ZFHX4: variants seen among roughly 807,000 people sequenced by gnomAD.
ZFHX4 encodes the protein zinc finger homeobox 4.
In ZFHX4, 56 loss-of-function variants were observed where a neutral mutation model predicts 267.6. The ratio of observed to expected loss-of-function variants is 0.21; its 90% CI spans 0.17 to 0.26. ZFHX4 has a LOEUF of 0.26. Ranked by LOEUF, ZFHX4 falls within the 10% of genes least tolerant of loss-of-function variation. The probability of loss-of-function intolerance (pLI) is 1.00; values close to 1 mark genes in which losing one functional copy is unlikely to be tolerated. For synonymous variants in ZFHX4, 1,778 were observed against 1,665.6 expected (o/e 1.07, Z -1.64); for missense variants, 4,332 against 4,420.0 (o/e 0.98, Z 0.56).
At chr8:76,774,863 T>G (rs1585930962) in intron 3 of ZFHX4, among the ~76,000 whole-genome samples, 1 of 152,122 alleles carries the variant, frequency 6.6e-6, no homozygotes, top group African/African-American at 2.4e-5. Context: ...GATGAAACAT[T>G]AACAAATTAC....
chr8:76,771,027 A>G lies in ZFHX4; in HGVS notation c.3094-7181A>G, dbSNP rs1253521412. Among the ~76,000 whole-genome samples the G allele has an allele frequency of 2.6e-5, 4 of 152,180 alleles. No homozygotes were observed. The South Asian group carries it at 8.3e-4, about 31-fold the overall frequency. On this transcript the variant is annotated intron_variant, in intron 3 of 10. Transcript: ENST00000651372. ...AAGGGGTGATGGTTGTTAAACTGGA[A>G]GTGTGCTGGAAAAGCCTAGCCATAT... is the stretch of plus-strand genomic sequence containing the variant.
chr8:76,706,584 C>T lies in ZFHX4; in HGVS notation c.2496C>T (p.Thr832=), dbSNP rs368346462. The change falls in exon 2 of 11, where the codon ACC becomes ACT. Residue 832 remains threonine (T), a synonymous_variant. Transcript: ENST00000651372. ...ACCTAGCCCAGAACATAGGCCTGACCGGAATGAAGCTGGAAAACCCTGCCG... is the reference window on the plus strand; with the variant it reads ...ACCTAGCCCAGAACATAGGCCTGACTGGAATGAAGCTGGAAAACCCTGCCG... ...QYYLAQNIGL[T]GMKLENPADP... 6.2e-6 allele frequency: 10 copies of T among 1,610,650 alleles called. No individual in the cohort carries two copies. The African/African-American group carries it at 6.7e-5, about 11-fold the overall frequency.
chr8:76,804,041 A>C (rs1336623404), intron 4 of ZFHX4, among the ~76,000 whole-genome samples: 1 of 152,138 alleles, frequency 6.6e-6, no homozygotes, highest in African/African-American at 2.4e-5. Flanking sequence ...AAAATGCAAC[A>C]AGGAATCTGA....
rs1812708700 is a variant in ZFHX4 at position 76,855,890 on chromosome 8, A to T, written c.8969A>T (p.Asn2990Ile). The T allele has an allele frequency of 6.2e-7, 1 of 1,613,738 alleles. No homozygotes were observed. Among genetic ancestry groups the T allele is most frequent in the East Asian group, 2.2e-5 (1 of 44,840 alleles). ...GCAAAGGAAAAGAAATTTAAAATTA[A>T]CATAGGGAAGCCTTTCATGATCAAT... ...ARAKEKKFKI[N>I]IGKPFMINQG... The change falls in exon 10 of 11, where the codon AAC becomes ATC. Residue 2990 changes from asparagine (N) to isoleucine (I), a missense_variant. By Grantham distance (149) the Asn-to-Ile change is moderately radical (BLOSUM62 -3). Coordinates refer to ENST00000651372, the MANE Select transcript of ZFHX4 (RefSeq NM_024721.5).
chr8:76,700,883 A>G (rs1808084171), intron 1 of ZFHX4, among the ~76,000 whole-genome samples: 1 of 152,190 alleles, frequency 6.6e-6, no homozygotes. Context: ...CTGAATAAAA[A>G]TCACCTTAAA....
chr8:76,804,592 T>C (rs1563532027), intron 4 of ZFHX4, among the ~76,000 whole-genome samples: 1 of 152,038 alleles, frequency 6.6e-6, no homozygotes, highest in Non-Finnish European at 1.5e-5. Flanking sequence ...ACATTACCTT[T>C]AAAAAGGAAA....
At chr8:76,713,729 TA>T (rs1398735883) in intron 3 of ZFHX4, among the ~76,000 whole-genome samples, 1 of 152,176 alleles carries the variant, frequency 6.6e-6, no homozygotes, top group Non-Finnish European at 1.5e-5. Context: ...TCCAAAGGTG[TA>T]ATTGACTTAG....
chr8:76,801,673 C>T (rs111460988), intron 4 of ZFHX4, among the ~76,000 whole-genome samples: 2,252 of 152,152 alleles, frequency 0.015, 15 homozygotes, highest in Non-Finnish European at 0.018. Context: ...TTTCATTTGG[C>T]GTTGCTGTAA....
intron 3 of ZFHX4, among the ~76,000 whole-genome samples, chr8:76,770,321 C>A (rs574615922): frequency 6.6e-6 from 1 of 152,230 alleles, no homozygotes; most frequent in South Asian, 2.1e-4. Flanking sequence ...CTTGCTAAAG[C>A]TAGAAATCAG....
rs1471047143 is a variant in ZFHX4, at chr8:76,856,434, A to G, written c.9379+134A>G. On this transcript the variant is annotated intron_variant, in intron 10 of 10. Transcript: ENST00000651372. ...GAAATCAATACATTATTTAAAGTATATATTATATTGGCTATAGCTAATTAC... is the reference window on the plus strand; with the variant it reads ...GAAATCAATACATTATTTAAAGTATGTATTATATTGGCTATAGCTAATTAC... 6.6e-6 allele frequency: 7 copies of G among 1,067,036 alleles called. 1 individual carries two copies. In the South Asian group the frequency reaches 6.8e-5, roughly 10 times the overall value. 66.1% of individuals were successfully genotyped at this position (1,067,036 alleles called of 1,614,324 possible).
rs267601996 is a variant in ZFHX4, at chr8:76,705,110, C to G, written c.1022C>G (p.Ser341Cys). 3 of 1,613,638 alleles carry G rather than the reference C, an allele frequency of 1.9e-6. No homozygotes were observed. Among genetic ancestry groups the G allele is most frequent in the Admixed American group, 1.7e-5 (1 of 59,946 alleles). ...PLISFLEPKK[S>C]TSVYPHFSTT... ...ATAAGCTTTCTGGAACCAAAAAAAT[C>G]CACTTCTGTTTATCCCCATTTTTCT... is the stretch of plus-strand genomic sequence containing the variant. Residue 341 changes from serine (S) to cysteine (C), a missense_variant, in exon 2 of 11, where the codon TCC (serine) becomes TGC (cysteine). Physicochemically the swap from Ser to Cys is moderately radical, Grantham distance 112. Around this residue, in one of 7 missense-constraint regions of ZFHX4, gnomAD observed 1,195 missense variants for 1,173.6 expected, o/e 1.02. Transcript: ENST00000651372.
chr8:76,786,563 G>A (rs1486200817), intron 4 of ZFHX4, among the ~76,000 whole-genome samples: 6 of 151,790 alleles, frequency 4.0e-5, no homozygotes, highest in African/African-American at 1.5e-4. Flanking sequence ...TATTTTAATA[G>A]TTATATCTTT....
At chr8:76,746,228 A>C (rs1314316369) in intron 3 of ZFHX4, among the ~76,000 whole-genome samples, 6 of 152,312 alleles carry the variant, frequency 3.9e-5, no homozygotes, top group Admixed American at 2.0e-4. Context: ...CAACATAGCA[A>C]GACTCCATCT....
At chr8:76,796,608 C>T (rs1422609333) in intron 4 of ZFHX4, among the ~76,000 whole-genome samples, 5 of 152,044 alleles carry the variant, frequency 3.3e-5, no homozygotes, top group East Asian at 1.9e-4. Context: ...ACAAATATAC[C>T]GTAATACTTC....
intron 3 of ZFHX4, among the ~76,000 whole-genome samples, chr8:76,769,339 TTTTC>T (rs561545594): frequency 1.2e-3 from 189 of 152,060 alleles, no homozygotes; most frequent in African/African-American, 4.3e-3. Context: ...TCTTTCTTTC[TTTTC>T]TTTCTTTCTT....
At position 76,854,148 on chromosome 8, in the gene ZFHX4, C is replaced by A. The variant is rs3812485; in HGVS notation, c.7227C>A (p.Pro2409=). Residue 2409 remains proline (P), a synonymous_variant, in exon 10 of 11, where the codon CCC becomes CCA. Coordinates refer to ENST00000651372, the MANE Select transcript of ZFHX4 (RefSeq NM_024721.5). ...AGACTTCTCCAAAACCTGAATATCC[C>A]GCAGAAAAGCCAAAGCAGAGTGACC... The part of the protein sequence containing the change: ...PEKTSPKPEY[P]AEKPKQSDPS... 4 of 1,609,140 alleles carry A rather than the reference C, an allele frequency of 2.5e-6. No individual in the cohort carries two copies. The highest frequency in any genetic ancestry group is 2.7e-5 in the African/African-American group (2 of 74,796).
chr8:76,854,894 C>T lies in ZFHX4; in HGVS notation c.7973C>T (p.Ala2658Val), dbSNP rs747770362. 4.3e-6 allele frequency: 7 copies of T among 1,613,004 alleles called. No individual in the cohort carries two copies. Among genetic ancestry groups the T allele is most frequent in the Admixed American group, 1.7e-5 (1 of 59,962 alleles). The change falls in exon 10 of 11, where the codon GCG becomes GTG. Residue 2658 changes from alanine to valine, a missense_variant. Coordinates refer to ENST00000651372, the MANE Select transcript of ZFHX4 (RefSeq NM_024721.5). ...CAAGTCTGGTTCCAGAATACACGAG[C>T]GCGGGAGAGGAAAGGCCAGTTCCGG... ...VVQVWFQNTR[A>V]RERKGQFRAV...
chr8:76,760,942 A>AAT (rs1563506604), intron 3 of ZFHX4, among the ~76,000 whole-genome samples: 1 of 150,618 alleles, frequency 6.6e-6, no homozygotes, highest in African/African-American at 2.5e-5. Flanking sequence ...AAAAAAAAAA[A>AAT]AAAAAAAAGA....
At chr8:76,759,449 T>G (rs1163552875) in intron 3 of ZFHX4, among the ~76,000 whole-genome samples, 1 of 152,212 alleles carries the variant, frequency 6.6e-6, no homozygotes, top group Admixed American at 6.5e-5. Context: ...ATCTATGTTG[T>G]CATGCTAGTG....
Sources: gnomAD v4.1 joint callset for allele counts (sites outside exome capture counted in the v4.1 genomes callset) on GRCh38, gnomAD v4.1.1 for gene constraint, gnomAD v4.1.1 regional missense constraint, MANE v1.5 for transcripts, NCBI Gene and HGNC (gene_info 2026-07-23, HGNC 2026-07-21) for gene names.